The following LNPEP variants were observed in gnomAD, a reference collection of about 807,000 sequenced individuals.
LNPEP encodes the protein leucyl-cystinyl aminopeptidase.
In LNPEP, 64 loss-of-function variants were observed where a neutral mutation model predicts 120.6. The observed-to-expected ratio is 0.53, with a 90% CI of 0.43 to 0.65. LNPEP has a LOEUF of 0.65. Among genes scored for constraint, LNPEP ranks in the 30% least tolerant of loss-of-function variants. The pLI is 0.00. For missense variants in LNPEP, 1,057 were observed against 1,200.0 expected (o/e 0.88, Z 1.76); for synonymous variants, 435 against 425.4 (o/e 1.02, Z -0.28).
In LNPEP at chr5:96,971,345, T is replaced by TTGTGTGTGTGTG. The variant is rs3076561; in HGVS notation, c.20-7765_20-7754dup. ...CATGATGTGCTTAAGACATTATTAT[T>TTGTGTGTGTGTG]TGTGTGTGTGTGTGTGTGTGTGTGT... On this transcript the variant is annotated intron_variant, in intron 1 of 17. Transcript: ENST00000231368. Among the ~76,000 whole-genome samples the TTGTGTGTGTGTG allele has an allele frequency of 1.9e-4, 27 of 142,920 alleles. No homozygotes were observed. The South Asian group carries it at 3.6e-3, about 19-fold the overall frequency. 93.8% of individuals were successfully genotyped at this position (142,920 alleles called of 152,430 possible).
At chr5:97,025,319 C>T (rs1381382361) in intron 15 of LNPEP, among the ~76,000 whole-genome samples, 1 of 152,204 alleles carries the variant, frequency 6.6e-6, no homozygotes, top group Non-Finnish European at 1.5e-5. Context: ...GGTCTCATTA[C>T]TTCTGTTGTA....
intron 1 of LNPEP, among the ~76,000 whole-genome samples, chr5:96,945,583 G>A (rs1267790701): frequency 6.6e-6 from 1 of 152,108 alleles, no homozygotes; most frequent in Non-Finnish European, 1.5e-5. Flanking sequence ...AGTCAGTTTA[G>A]AATTTGGTAT....
intron 1 of LNPEP, among the ~76,000 whole-genome samples, chr5:96,978,365 G>T (rs1581998744): frequency 6.6e-6 from 1 of 151,990 alleles, no homozygotes. Flanking sequence ...GAAATATGTT[G>T]TACTTCTGAA....
intron 11 of LNPEP, among the ~76,000 whole-genome samples, chr5:97,013,319 T>G (rs960938866): frequency 7.2e-5 from 11 of 152,198 alleles, no homozygotes; most frequent in African/African-American, 2.7e-4. Flanking sequence ...ATGCTGTCTT[T>G]TCTTTTTCTG....
In LNPEP at chr5:97,026,819, C is replaced by G. The variant is rs1035922206; in HGVS notation, c.2864+62C>G. 2.8e-6 allele frequency: 4 copies of G among 1,442,168 alleles called. No individual in the cohort carries two copies. In the African/African-American group the frequency reaches 5.7e-5, roughly 20 times the overall value. The allele number at this position is 1,442,168 out of a possible 1,614,324, so 89.3% of individuals were successfully genotyped here. A position where few individuals can be genotyped will look rare whatever the true frequency, so the allele number is the denominator to read the frequency against. On this transcript the variant is annotated intron_variant, in intron 16 of 17. Transcript: ENST00000231368. Reference sequence around the variant, plus strand: ...TCAAGTTGTGCATTTGAAAAAAGCTCCCAGTGTTTTGGCTCACAGAAGTTA... The same window carrying G: ...TCAAGTTGTGCATTTGAAAAAAGCTGCCAGTGTTTTGGCTCACAGAAGTTA...
At position 96,986,627 on chromosome 5, in the gene LNPEP, T is replaced by C. The variant is rs1430704104; in HGVS notation, c.1088T>C (p.Val363Ala). 1.2e-6 allele frequency: 2 copies of C among 1,613,542 alleles called. No individual in the cohort carries two copies. The highest frequency in any genetic ancestry group is 1.1e-5 in the South Asian group (1 of 91,074). Residue 363 changes from valine (V) to alanine (A), a missense_variant, in exon 4 of 18, where the codon GTG (valine) becomes GCG (alanine). Physicochemically the swap from Val to Ala is moderately conservative, Grantham distance 64. Coordinates refer to ENST00000231368, the MANE Select transcript of LNPEP (RefSeq NM_005575.3). ...KMSTYLVAFI[V>A]GEMKNLSQDV... is the part of the protein sequence containing the mutation. ...AGCACTTACTTGGTTGCTTTCATTG[T>C]GGGAGAGATGAAGAACCTGAGTCAG...
At chr5:96,949,152 C>A (rs1467874119) in intron 1 of LNPEP, among the ~76,000 whole-genome samples, 1 of 152,322 alleles carries the variant, frequency 6.6e-6, no homozygotes, top group South Asian at 2.1e-4. Context: ...TAGGAGGATT[C>A]TTTCCATTTC....
intron 13 of LNPEP, among the ~76,000 whole-genome samples, chr5:97,016,116 G>C (rs1267950259): frequency 6.6e-6 from 1 of 152,070 alleles, no homozygotes. Context: ...AAAAGTTTCT[G>C]ATCTGACCCC....
chr5:96,949,320 G>A (rs1789267994), intron 1 of LNPEP, among the ~76,000 whole-genome samples: 1 of 152,258 alleles, frequency 6.6e-6, no homozygotes, highest in East Asian at 1.9e-4. Context: ...CGCCTCTCCT[G>A]TCAGATCAGG....
At chr5:97,009,110 A>G (rs1380134133) in intron 11 of LNPEP, among the ~76,000 whole-genome samples, 1 of 152,074 alleles carries the variant, frequency 6.6e-6, no homozygotes, top group African/African-American at 2.4e-5. Context: ...CAACTCAAAC[A>G]TGCCATACTG....
At chr5:96,955,892 C>A (rs935446204) in intron 1 of LNPEP, among the ~76,000 whole-genome samples, 1 of 152,136 alleles carries the variant, frequency 6.6e-6, no homozygotes, top group Non-Finnish European at 1.5e-5. Context: ...ACTGTTTGTG[C>A]CATTTCACAT....
chr5:97,013,847 T>G lies in LNPEP; in HGVS notation c.2219+16T>G, dbSNP rs1790996301. The G allele has an allele frequency of 3.2e-6, 5 of 1,549,922 alleles. No homozygotes were observed. Among genetic ancestry groups the G allele is most frequent in the Non-Finnish European group, 4.3e-6 (5 of 1,151,322 alleles). On this transcript the variant is annotated intron_variant, in intron 12 of 17. Coordinates refer to ENST00000231368, the MANE Select transcript of LNPEP (RefSeq NM_005575.3). ...AACTTGCAGGGTAGAGTATACTTAG[T>G]TTGAGATTTTTTCTTTTTTTAAACA...
At chr5:96,951,564 T>TA (rs1351809253) in intron 1 of LNPEP, among the ~76,000 whole-genome samples, 3 of 152,088 alleles carry the variant, frequency 2.0e-5, no homozygotes, top group Non-Finnish European at 4.4e-5. Flanking sequence ...GGCGGGGGGT[T>TA]AGTGCTTTAA....
intron 13 of LNPEP, 34 bp from the exon 14 acceptor site, chr5:97,022,266 T>A (rs751988115): frequency 7.9e-7 from 1 of 1,265,786 alleles, no homozygotes; most frequent in South Asian, 1.4e-5. Context: ...TCCTAATTAT[T>A]ATGAAGCCAT....
Position 96,979,962 on chromosome 5 carries a change from G to T in LNPEP, c.844G>T (p.Glu282Ter). The change falls in exon 2 of 18, where the codon GAA (glutamate) becomes TAA (stop). Residue 282 changes from glutamate (E) to a stop codon, truncating the protein, a stop_gained. Transcript: ENST00000231368. LOFTEE classifies it high-confidence loss of function. ...YGFYGFSYTD[E>*]SNEKKYFAAT... is the part of the protein sequence containing the mutation. ...GTTTTATGGCTTCTCCTACACAGAT[G>T]AAAGTAATGAGAAAAAGTAGGTAGC... 1 of 1,584,912 alleles carries T rather than the reference G, an allele frequency of 6.3e-7. No homozygotes were observed. The highest frequency in any genetic ancestry group is 8.6e-7 in the Non-Finnish European group (1 of 1,163,616).
intron 13 of LNPEP, among the ~76,000 whole-genome samples, chr5:97,015,900 A>AT (rs566461611): frequency 4.6e-5 from 7 of 151,726 alleles, no homozygotes; most frequent in Non-Finnish European, 8.8e-5. Context: ...TTTTTTTAAC[A>AT]TTTTTTTTAT....
chr5:96,938,984 C>CAA lies in LNPEP; in HGVS notation c.19+2824_19+2825dup, dbSNP rs11342983. Among the ~76,000 whole-genome samples, 1,059 of 142,766 alleles carry CAA rather than the reference C, an allele frequency of 7.4e-3. 10 individuals carry two copies. The highest frequency in any genetic ancestry group is 0.026 in the African/African-American group (1,007 of 38,872). The allele number at this position is 142,766 out of a possible 152,430, so 93.7% of individuals were successfully genotyped here. A position where few individuals can be genotyped will look rare whatever the true frequency, so the allele number is the denominator to read the frequency against. On this transcript the variant is annotated intron_variant, in intron 1 of 17. Transcript: ENST00000231368. The stretch of plus-strand genomic sequence containing the variant: ...TTAAGTAATAGTGATTTGTATATTA[C>CAA]AAAAAAAAAAAAAAATTGAAGGCAA...
At chr5:97,017,948 G>A (rs909112636) in intron 13 of LNPEP, among the ~76,000 whole-genome samples, 1 of 152,010 alleles carries the variant, frequency 6.6e-6, no homozygotes, top group Admixed American at 6.6e-5. Context: ...GTGACTAACC[G>A]TGGCCTTTGT....
rs186202103 is a variant in LNPEP at position 97,034,687 on chromosome 5, G to A, written c.*6154G>A. 1 of 151,946 alleles carries A rather than the reference G, an allele frequency of 6.6e-6. No individual in the cohort carries two copies. Among genetic ancestry groups the A allele is most frequent in the East Asian group, 1.9e-4 (1 of 5,168 alleles). The allele number at this position is 151,946 out of a possible 1,614,324, so 9.4% of individuals were successfully genotyped here. A position where few individuals can be genotyped will look rare whatever the true frequency, so the allele number is the denominator to read the frequency against. ...GCTTTTGAGGGTTTTAATGAGGAGT[G>A]GGATTGTTGAGAGGAAAAGGCAAGA... On this transcript the variant is annotated 3_prime_UTR_variant, in exon 18 of 18. Transcript: ENST00000231368.
Sources: allele counts gnomAD v4.1 joint callset (sites outside exome capture counted in the v4.1 genomes callset), GRCh38; gene constraint gnomAD v4.1.1; transcripts MANE v1.5; gene names NCBI Gene and HGNC (gene_info 2026-07-23, HGNC 2026-07-21).